Variants in ADAM22 observed in about 807,000 individuals in gnomAD.
ADAM22 encodes ADAM metallopeptidase domain 22.
ADAM22 carries 65 observed loss-of-function variants against 144.6 expected under a neutral mutation model. The observed-to-expected ratio is 0.45, with a 90% CI of 0.37 to 0.55. The LOEUF is 0.55. Ranked by LOEUF, ADAM22 falls within the 20% of genes least tolerant of loss-of-function variation. The pLI is 0.00. For synonymous variants in ADAM22, 391 were observed against 412.6 expected, an observed-to-expected ratio of 0.95 and a Z score of 0.63; for missense variants, 974 against 1,184.9, an observed-to-expected ratio of 0.82 and a Z score of 2.61.
chr7:87,947,704 C>G (rs574949210), intron 2 of ADAM22, among the ~76,000 whole-genome samples: 18 of 152,242 alleles, frequency 1.2e-4, no homozygotes, highest in African/African-American at 4.3e-4. Flanking sequence ...AATATGACAT[C>G]TACTTGCGGT....
chr7:87,996,106 G>A (rs1334383587), intron 3 of ADAM22, among the ~76,000 whole-genome samples: 4 of 152,158 alleles, frequency 2.6e-5, no homozygotes, highest in African/African-American at 9.6e-5. Flanking sequence ...CGTGCACCAG[G>A]TTATTGGGAT....
chr7:88,024,790 G>A (rs1424781562), intron 3 of ADAM22, among the ~76,000 whole-genome samples: 1 of 147,560 alleles, frequency 6.8e-6, no homozygotes, highest in Non-Finnish European at 1.5e-5. Flanking sequence ...CTATGAGCGA[G>A]AACATGCAGT....
intron 3 of ADAM22, among the ~76,000 whole-genome samples, chr7:88,054,673 A>G (rs1563117223): frequency 6.8e-6 from 1 of 147,076 alleles, no homozygotes; most frequent in Non-Finnish European, 1.5e-5. Flanking sequence ...GCACGCTTCT[A>G]TTATGGTGCT....
intron 3 of ADAM22, among the ~76,000 whole-genome samples, chr7:88,069,769 A>G (rs1346895069): frequency 2.0e-5 from 3 of 152,190 alleles, no homozygotes; most frequent in Admixed American, 2.0e-4. Context: ...ATAACCTGAA[A>G]TACAGGGTGG....
chr7:88,034,224 T>G (rs1197962680), intron 3 of ADAM22, among the ~76,000 whole-genome samples: 1 of 152,188 alleles, frequency 6.6e-6, no homozygotes, highest in Non-Finnish European at 1.5e-5. Context: ...CTGCCGATTA[T>G]TCAGGGCCCA....
At chr7:88,129,480 A>G (rs966218497) in intron 9 of ADAM22, among the ~76,000 whole-genome samples, 2 of 152,110 alleles carry the variant, frequency 1.3e-5, no homozygotes, top group African/African-American at 4.8e-5. Flanking sequence ...GCTAATAATA[A>G]TAATAACAAC....
chr7:88,023,255 T>C (rs1199238546), intron 3 of ADAM22, among the ~76,000 whole-genome samples: 1 of 152,224 alleles, frequency 6.6e-6, no homozygotes, highest in African/African-American at 2.4e-5. Flanking sequence ...TATTTATTTA[T>C]TGATATTGTT....
In ADAM22 at chr7:88,163,104, G is replaced by T; in HGVS notation, c.2000G>T (p.Arg667Met). The T allele has an allele frequency of 1.2e-6, 2 of 1,612,322 alleles. No individual in the cohort carries two copies. Among genetic ancestry groups the T allele is most frequent in the South Asian group, 2.2e-5 (2 of 90,908 alleles). ...CCCCAAATGATGTGCTTAGAACACAGGTGTCTTCCTGTGGCTTCTTTCAAC... is the reference window on the plus strand; with the variant it reads ...CCCCAAATGATGTGCTTAGAACACATGTGTCTTCCTGTGGCTTCTTTCAAC... Reference protein sequence around the residue: ...CGPQMMCLEHRCLPVASFNFS... With the variant: ...CGPQMMCLEHMCLPVASFNFS... Residue 667 changes from arginine to methionine, a missense_variant, in exon 23 of 32, where the codon AGG becomes ATG. Physicochemically the swap from Arg to Met is moderately conservative, Grantham distance 91. Coordinates refer to ENST00000413139, the MANE Select transcript of ADAM22 (RefSeq NM_001324418.2).
intron 3 of ADAM22, among the ~76,000 whole-genome samples, chr7:88,031,937 C>T (rs1045458461): frequency 6.6e-6 from 1 of 152,234 alleles, no homozygotes; most frequent in South Asian, 2.1e-4. Flanking sequence ...GGTGTTAGGC[C>T]TGTGGGTGCA....
intron 2 of ADAM22, among the ~76,000 whole-genome samples, chr7:87,952,079 A>G (rs1180072452): frequency 3.2e-4 from 49 of 151,572 alleles, no homozygotes; most frequent in South Asian, 8.3e-4. Flanking sequence ...CAATCATGTC[A>G]TCTGCAAACA....
chr7:88,059,328 G>GT (rs1327365876), intron 3 of ADAM22, among the ~76,000 whole-genome samples: 1 of 152,152 alleles, frequency 6.6e-6, no homozygotes, highest in Non-Finnish European at 1.5e-5. Flanking sequence ...ACGATCAGCT[G>GT]TTTAACCAAA....
At chr7:88,064,691 C>T (rs1810758949) in intron 3 of ADAM22, among the ~76,000 whole-genome samples, 1 of 152,074 alleles carries the variant, frequency 6.6e-6, no homozygotes, top group Non-Finnish European at 1.5e-5. Flanking sequence ...AGGGGACTAA[C>T]TTTCTAAAGA....
intron 14 of ADAM22, among the ~76,000 whole-genome samples, chr7:88,137,997 T>C (rs1833431358): frequency 6.6e-6 from 1 of 151,866 alleles, no homozygotes; most frequent in Non-Finnish European, 1.5e-5. Context: ...CTACAAAAAA[T>C]ACAAAAATTA....
intron 2 of ADAM22, among the ~76,000 whole-genome samples, chr7:87,950,902 T>C (rs1340317078): frequency 1.1e-4 from 16 of 151,800 alleles, no homozygotes; most frequent in Admixed American, 5.2e-4. Flanking sequence ...ATGATGAGCA[T>C]TTTTTCATGT....
chr7:88,025,653 C>G (rs2129468186), intron 3 of ADAM22, among the ~76,000 whole-genome samples: 1 of 152,224 alleles, frequency 6.6e-6, no homozygotes, highest in East Asian at 1.9e-4. Flanking sequence ...TTCTTGGCAC[C>G]TTTGTTGAAA....
chr7:87,953,145 G>A (rs1299475812), intron 2 of ADAM22, among the ~76,000 whole-genome samples: 1 of 151,270 alleles, frequency 6.6e-6, no homozygotes, highest in South Asian at 2.1e-4. Context: ...ATTTCCTTTA[G>A]TTCTGCTCTG....
intron 3 of ADAM22, among the ~76,000 whole-genome samples, chr7:88,054,840 A>G (rs368458395): frequency 6.6e-6 from 1 of 152,276 alleles, no homozygotes; most frequent in African/African-American, 2.4e-5. Context: ...TTAGAATTAG[A>G]TAGGGCCTTA....
rs555805487 is a variant in ADAM22, at chr7:88,079,187, A to C, written c.390+3495A>C. ...ACAAGCCAGAAGAGAGTGGGGGCCA[A>C]TATTCAACATTCTTAAAAATAAGAA... On this transcript the variant is annotated intron_variant, in intron 4 of 31. Transcript: ENST00000413139. Among the ~76,000 whole-genome samples, 17 of 152,338 alleles carry C rather than the reference A, an allele frequency of 1.1e-4. No homozygotes were observed. In the South Asian group the frequency reaches 2.1e-3, roughly 19 times the overall value.
rs115442214 is a variant in ADAM22, at chr7:87,979,467, C to G, written c.323+1055C>G. On this transcript the variant is annotated intron_variant, in intron 3 of 31. Transcript: ENST00000413139. ...CATCTACTTAATACCTAGTCTCCTT[C>G]TCTGTTTCATTTTAAAAATAATACT... Among the ~76,000 whole-genome samples, 840 of 152,266 alleles carry G rather than the reference C, an allele frequency of 5.5e-3. 6 individuals are homozygous for G. The highest frequency in any genetic ancestry group is 0.019 in the African/African-American group (801 of 41,536).
Sources: gnomAD v4.1 joint callset for allele counts (sites outside exome capture counted in the v4.1 genomes callset) on GRCh38, gnomAD v4.1.1 for gene constraint, MANE v1.5 for transcripts, NCBI Gene and HGNC (gene_info 2026-07-23, HGNC 2026-07-21) for gene names.